Variants in PCNX2 observed in about 807,000 individuals in gnomAD.
The protein encoded by PCNX2 is pecanex-like protein 2.
PCNX2 carries 168 observed loss-of-function variants against 223.8 expected under a neutral mutation model. The ratio of observed to expected loss-of-function variants is 0.75; its 90% CI spans 0.66 to 0.85. PCNX2 has a LOEUF of 0.85. Ranked by LOEUF, PCNX2 falls within the 40% of genes least tolerant of loss-of-function variation. The pLI, the probability that PCNX2 is intolerant of heterozygous loss-of-function variation, is 0.00. For missense variants in PCNX2, 2,507 were observed against 2,675.5 expected, an observed-to-expected ratio of 0.94 and a Z score of 1.39; for synonymous variants, 1,006 against 1,052.6, an observed-to-expected ratio of 0.96 and a Z score of 0.86.
chr1:233,235,957 A>AATATATATAT (rs1553319644), intron 9 of PCNX2, among the ~76,000 whole-genome samples: 165 of 93,036 alleles, frequency 1.8e-3, no homozygotes, highest in Admixed American at 2.7e-3. Flanking sequence ...CATAAAAAAA[A>AATATATATAT]ATATATATAT....
At chr1:233,153,004 G>A (rs1677910056) in intron 19 of PCNX2, among the ~76,000 whole-genome samples, 1 of 152,116 alleles carries the variant, frequency 6.6e-6, no homozygotes, top group Admixed American at 6.5e-5. Flanking sequence ...TCCAAGGCTG[G>A]GCCATAACAT....
chr1:233,067,389 A>AAAAAAAAAAAAAAAAAAAAAC, intron 23 of PCNX2, among the ~76,000 whole-genome samples: 1 of 140,710 alleles, frequency 7.1e-6, no homozygotes. Flanking sequence ...AAAAAAAAAA[A>AAAAAAAAAAAAAAAAAAAAAC]AAAAAAAAAA....
chr1:233,022,848 C>T (rs1231171749), intron 26 of PCNX2, among the ~76,000 whole-genome samples: 2 of 151,974 alleles, frequency 1.3e-5, no homozygotes, highest in Admixed American at 6.6e-5. Flanking sequence ...CAGGCTTGTG[C>T]CACCACATCC....
At chr1:233,075,739 A>ACACACACACACAC (rs1553282226) in intron 23 of PCNX2, among the ~76,000 whole-genome samples, 1 of 149,330 alleles carries the variant, frequency 6.7e-6, no homozygotes, top group East Asian at 2.0e-4. Flanking sequence ...ACACACACAC[A>ACACACACACACAC]ACAGAAAAGA....
chr1:233,032,066 C>T (rs1671287260), intron 25 of PCNX2: 1 of 966,058 alleles, frequency 1.0e-6, no homozygotes, highest in Admixed American at 6.2e-5. Context: ...AAATTCTCTT[C>T]CAATGGAGGA....
chr1:233,183,761 G>A (rs974176689), intron 15 of PCNX2, among the ~76,000 whole-genome samples: 9 of 152,292 alleles, frequency 5.9e-5, no homozygotes, highest in South Asian at 2.1e-4. Context: ...TATGACAGAT[G>A]AGGGGACAAT....
intron 21 of PCNX2, among the ~76,000 whole-genome samples, chr1:233,107,667 G>GAAA (rs141998113): frequency 2.1e-5 from 3 of 145,722 alleles, no homozygotes; most frequent in Non-Finnish European, 4.5e-5. Flanking sequence ...CACTTACAAT[G>GAAA]AAAAAAAAAA....
At chr1:233,056,567 T>C (rs975909210) in intron 24 of PCNX2, among the ~76,000 whole-genome samples, 2 of 152,238 alleles carry the variant, frequency 1.3e-5, no homozygotes, top group African/African-American at 4.8e-5. Flanking sequence ...TCTCCAGGTA[T>C]CTCAAATTTC....
chr1:233,132,199 G>C (rs1676545937), intron 21 of PCNX2, among the ~76,000 whole-genome samples: 1 of 151,986 alleles, frequency 6.6e-6, no homozygotes, highest in African/African-American at 2.4e-5. Context: ...CTGACTTCAG[G>C]TAATCTACCC....
chr1:233,066,976 C>T (rs1391039608), intron 23 of PCNX2, among the ~76,000 whole-genome samples: 1 of 151,970 alleles, frequency 6.6e-6, no homozygotes, highest in Non-Finnish European at 1.5e-5. Flanking sequence ...CCCTATCAAG[C>T]AATAACAAGA....
In PCNX2 at chr1:233,177,891, T is replaced by G. The variant is rs1441559478; in HGVS notation, c.3184A>C (p.Ile1062Leu). The G allele has an allele frequency of 6.2e-7, 1 of 1,613,398 alleles. No homozygotes were observed. The highest frequency in any genetic ancestry group is 8.5e-7 in the Non-Finnish European group (1 of 1,179,488). The change falls in exon 17 of 34, where the codon ATC becomes CTC. Residue 1062 changes from isoleucine to leucine, a missense_variant. By Grantham distance (5) the Ile-to-Leu change is conservative (BLOSUM62 2). This residue lies in a region of PCNX2 where 1,372 missense variants were observed against 1,509.4 expected (regional missense o/e 0.91). Coordinates refer to ENST00000258229, the MANE Select transcript of PCNX2 (RefSeq NM_014801.4). ...SSDPSVLMSF[I>L]QCRLFPKFLH... Reference sequence around the variant, plus strand: ...AATTTAGGAAACAGCCTGCATTGGATGAAGGACCTGAAAGTGGAAAAACAC... The same window carrying G: ...AATTTAGGAAACAGCCTGCATTGGAGGAAGGACCTGAAAGTGGAAAAACAC...
At chr1:233,116,384 A>C (rs549395911) in intron 21 of PCNX2, among the ~76,000 whole-genome samples, 1 of 146,820 alleles carries the variant, frequency 6.8e-6, no homozygotes, top group South Asian at 2.1e-4. Flanking sequence ...CTACACACAC[A>C]CAAACACACA....
At chr1:233,235,959 T>TAA (rs34854755) in intron 9 of PCNX2, among the ~76,000 whole-genome samples, 24 of 45,966 alleles carry the variant, frequency 5.2e-4, no homozygotes, top group African/African-American at 1.1e-3. Context: ...TAAAAAAAAA[T>TAA]ATATATATAT....
chr1:232,984,650 G>A, intron 33 of PCNX2, 173 bp from the exon 34 acceptor site: 1 of 629,118 alleles, frequency 1.6e-6, no homozygotes, highest in Non-Finnish European at 2.6e-6. Flanking sequence ...TGGCCTCTGA[G>A]GACAGGACGG....
At chr1:233,143,051 A>G (rs1677222063) in intron 19 of PCNX2, among the ~76,000 whole-genome samples, 3 of 152,298 alleles carry the variant, frequency 2.0e-5, no homozygotes, top group South Asian at 2.1e-4. Flanking sequence ...CTATAACTCA[A>G]TATCTCATCT....
chr1:233,282,145 T>C (rs879725089), intron 1 of PCNX2, among the ~76,000 whole-genome samples: 8 of 152,142 alleles, frequency 5.3e-5, no homozygotes, highest in Non-Finnish European at 8.8e-5. Context: ...TCCTGTTTTC[T>C]CAGCAGCGAG....
At chr1:233,041,985 C>A (rs1468187133) in intron 25 of PCNX2, among the ~76,000 whole-genome samples, 1 of 152,092 alleles carries the variant, frequency 6.6e-6, no homozygotes, top group Non-Finnish European at 1.5e-5. Context: ...AAATTGCCTT[C>A]ATGCTATGGA....
chr1:232,997,942 C>T (rs1669932526), intron 32 of PCNX2, among the ~76,000 whole-genome samples: 1 of 152,106 alleles, frequency 6.6e-6, no homozygotes, highest in South Asian at 2.1e-4. Context: ...ACAGAAGGCA[C>T]ACCATCAAAC....
At chr1:233,100,725 C>T (rs1674440838) in intron 21 of PCNX2, among the ~76,000 whole-genome samples, 1 of 152,152 alleles carries the variant, frequency 6.6e-6, no homozygotes, top group Non-Finnish European at 1.5e-5. Flanking sequence ...AAATAACTGG[C>T]TACTTACAGA....
Sources: allele counts gnomAD v4.1 joint callset (sites outside exome capture counted in the v4.1 genomes callset), GRCh38; gene constraint gnomAD v4.1.1; regional missense constraint gnomAD v4.1.1; transcripts MANE v1.5; gene names NCBI Gene and HGNC (gene_info 2026-07-23, HGNC 2026-07-21).